Variants in CWF19L2 observed in about 807,000 individuals in gnomAD.
The protein encoded by CWF19L2 is CWF19-like protein 2.
In CWF19L2, 98 loss-of-function variants were observed where a neutral mutation model predicts 111.7. The ratio of observed to expected loss-of-function variants is 0.88; its 90% CI spans 0.75 to 1.04. The LOEUF (loss-of-function observed/expected upper bound fraction) is 1.04. CWF19L2 is among the 50% of genes least tolerant of loss of function. The pLI is 0.00. For missense variants in CWF19L2, 1,101 were observed against 1,051.4 expected (o/e 1.05, Z -0.65); for synonymous variants, 351 against 342.9 (o/e 1.02, Z -0.26).
intron 12 of CWF19L2, among the ~76,000 whole-genome samples, chr11:107,358,079 T>A (rs530019714): frequency 6.6e-6 from 1 of 152,290 alleles, no homozygotes; most frequent in East Asian, 1.9e-4. Flanking sequence ...TACAATCAAA[T>A]AGACAGATAA....
intron 15 of CWF19L2, 103 bp from the exon 16 acceptor site, chr11:107,335,064 A>T (rs977471833): frequency 4.2e-6 from 3 of 716,994 alleles, no homozygotes; most frequent in Admixed American, 2.2e-5. Context: ...GGTATATTAT[A>T]CATAGTAAGC....
At chr11:107,440,656 A>G (rs923597298) in intron 5 of CWF19L2, among the ~76,000 whole-genome samples, 2 of 152,236 alleles carry the variant, frequency 1.3e-5, no homozygotes, top group African/African-American at 4.8e-5. Context: ...ATTATGAGAT[A>G]CTATCTGAAA....
At chr11:107,332,548 G>GA (rs995470986) in intron 16 of CWF19L2, among the ~76,000 whole-genome samples, 1,740 of 140,622 alleles carry the variant, frequency 0.012, 28 homozygotes, top group African/African-American at 0.041. Context: ...TTTACACAGT[G>GA]AAAAAAAAAA....
chr11:107,358,429 G>C (rs1860271545), intron 12 of CWF19L2, among the ~76,000 whole-genome samples: 1 of 151,958 alleles, frequency 6.6e-6, no homozygotes, highest in Non-Finnish European at 1.5e-5. Flanking sequence ...AAGTTGTCCT[G>C]GGCCACATGT....
At chr11:107,390,553 A>T (rs985014098) in intron 11 of CWF19L2, among the ~76,000 whole-genome samples, 3 of 152,222 alleles carry the variant, frequency 2.0e-5, no homozygotes, top group African/African-American at 7.2e-5. Flanking sequence ...TGTGGTGGGA[A>T]GACTGAAGTC....
At position 107,408,149 on chromosome 11, in the gene CWF19L2, T is replaced by A. The variant is rs561141205; in HGVS notation, c.1617+8060A>T. On this transcript the variant is annotated intron_variant, in intron 10 of 17. Coordinates refer to ENST00000282251, the MANE Select transcript of CWF19L2 (RefSeq NM_152434.3). ...CCTGTTCAATACCTCCATATTTCTA[T>A]ACTTTTCCTTTGAAGGACCGTCAAA... Among the ~76,000 whole-genome samples, 33 of 152,190 alleles carry A rather than the reference T, an allele frequency of 2.2e-4. 1 individual carries two copies. The South Asian group carries it at 6.8e-3, about 31-fold the overall frequency.
intron 12 of CWF19L2, among the ~76,000 whole-genome samples, chr11:107,354,660 G>A (rs1860209283): frequency 6.6e-6 from 1 of 152,130 alleles, no homozygotes; most frequent in Non-Finnish European, 1.5e-5. Context: ...ATAATTTTGT[G>A]CATGAAACAA....
intron 12 of CWF19L2, among the ~76,000 whole-genome samples, chr11:107,359,521 C>A (rs908968352): frequency 1.3e-5 from 2 of 152,162 alleles, no homozygotes; most frequent in African/African-American, 2.4e-5. Context: ...AGGGAAAAAA[C>A]AGGAGTGACT....
intron 8 of CWF19L2, among the ~76,000 whole-genome samples, chr11:107,424,183 CTTTT>C (rs11291377): frequency 6.9e-6 from 1 of 145,866 alleles, no homozygotes; most frequent in Non-Finnish European, 1.5e-5. Flanking sequence ...ACATTTCCCT[CTTTT>C]TTTTTTTTAA....
intron 10 of CWF19L2, chr11:107,403,555 G>T: frequency 1.3e-6 from 1 of 798,204 alleles, no homozygotes. Flanking sequence ...TAGTAGACGT[G>T]CCTTCTTCAC....
In CWF19L2 at chr11:107,369,383, G is replaced by A. The variant is rs1860477504; in HGVS notation, c.1873-15647C>T. ...TCTAGGTAATCAATAAATAGTTGTT[G>A]CATTTGGAACAAAAATACAAAAGCT... On this transcript the variant is annotated intron_variant, in intron 12 of 17. Coordinates refer to ENST00000282251, the MANE Select transcript of CWF19L2 (RefSeq NM_152434.3). Among the ~76,000 whole-genome samples the A allele has an allele frequency of 2.2e-5, 3 of 137,148 alleles. 1 individual carries two copies. The highest frequency in any genetic ancestry group is 7.2e-5 in the Admixed American group (1 of 13,952). The allele number at this position is 137,148 out of a possible 152,430, so 90.0% of individuals were successfully genotyped here. A position where few individuals can be genotyped will look rare whatever the true frequency, so the allele number is the denominator to read the frequency against.
intron 10 of CWF19L2, among the ~76,000 whole-genome samples, chr11:107,408,326 T>C (rs1861110007): frequency 1.3e-5 from 2 of 151,904 alleles, no homozygotes; most frequent in Non-Finnish European, 2.9e-5. Context: ...AAAGAAAGAC[T>C]GTAAAGGCAC....
At position 107,369,225 on chromosome 11, in the gene CWF19L2, C is replaced by A. The variant is rs899902717; in HGVS notation, c.1873-15489G>T. 1.8e-4 allele frequency among the ~76,000 whole-genome samples: 25 copies of A among 137,628 alleles called. 6 individuals are homozygous for A. The highest frequency in any genetic ancestry group is 7.8e-5 in the Non-Finnish European group (5 of 64,210). 90.3% of individuals were successfully genotyped at this position (137,628 alleles called of 152,430 possible). A position where few individuals can be genotyped will look rare whatever the true frequency, so the allele number is the denominator to read the frequency against. Reference sequence around the variant, plus strand: ...TAAAGTCTGTTGTCAGTTCTTACTGCCATAAGCTCCTTGTGGTAGTCTGTT... The same window carrying A: ...TAAAGTCTGTTGTCAGTTCTTACTGACATAAGCTCCTTGTGGTAGTCTGTT... On this transcript the variant is annotated intron_variant, in intron 12 of 17. Transcript: ENST00000282251.
At chr11:107,360,966 T>G (rs1489159418) in intron 12 of CWF19L2, among the ~76,000 whole-genome samples, 1 of 152,196 alleles carries the variant, frequency 6.6e-6, no homozygotes, top group African/African-American at 2.4e-5. Context: ...TAATTAACTG[T>G]CATTTGTCTT....
chr11:107,327,791 C>T (rs1168507357), intron 17 of CWF19L2, among the ~76,000 whole-genome samples: 1 of 151,932 alleles, frequency 6.6e-6, no homozygotes, highest in Admixed American at 6.6e-5. Context: ...AGAGGGAGGG[C>T]AGTATGGTAA....
At chr11:107,361,581 A>G (rs78965813) in intron 12 of CWF19L2, among the ~76,000 whole-genome samples, 2,666 of 152,318 alleles carry the variant, frequency 0.018, 58 homozygotes, top group African/African-American at 0.059. Context: ...GGCAATTTTA[A>G]TGATATTAAG....
intron 12 of CWF19L2, among the ~76,000 whole-genome samples, chr11:107,386,322 A>G (rs1279092285): frequency 1.3e-5 from 2 of 152,014 alleles, no homozygotes; most frequent in African/African-American, 4.8e-5. Flanking sequence ...TCATTTTTCT[A>G]CTACCAAATT....
At chr11:107,438,954 C>G in intron 6 of CWF19L2, 136 bp downstream of exon 6, 3 of 541,272 alleles carry the variant, frequency 5.5e-6, no homozygotes, top group Non-Finnish European at 6.3e-6. Flanking sequence ...GTGGGAGGAT[C>G]ACTTGAGGGG....
At position 107,348,016 on chromosome 11, in the gene CWF19L2, C is replaced by T. The variant is rs542452621; in HGVS notation, c.2202+921G>A. On this transcript the variant is annotated intron_variant, in intron 14 of 17. Transcript: ENST00000282251. ...TACCTACTGGCACTGGCATCCACTA[C>T]TAGGAAAACGCAAACTTTCACATCA... Among the ~76,000 whole-genome samples, 5 of 152,238 alleles carry T rather than the reference C, an allele frequency of 3.3e-5. No individual in the cohort carries two copies. The South Asian group carries it at 1.0e-3, about 32-fold the overall frequency.
Sources: allele counts gnomAD v4.1 joint callset (sites outside exome capture counted in the v4.1 genomes callset), GRCh38; gene constraint gnomAD v4.1.1; transcripts MANE v1.5; gene names NCBI Gene and HGNC (gene_info 2026-07-23, HGNC 2026-07-21).